The following TJP1 variants were observed in gnomAD, a reference collection of about 807,000 sequenced individuals.
The protein encoded by TJP1 is tight junction protein 1, also known as tight junction protein ZO-1.
TJP1 carries 43 observed loss-of-function variants against 194.2 expected under a neutral mutation model. The ratio of observed to expected loss-of-function variants is 0.22; its 90% CI spans 0.17 to 0.29. The LOEUF is 0.29. TJP1 is among the 10% of genes least tolerant of loss of function. TJP1 has a pLI of 1.00. For missense variants in TJP1, 1,971 were observed against 2,185.7 expected, an observed-to-expected ratio of 0.90 and a Z score of 1.96; for synonymous variants, 801 against 779.0, an observed-to-expected ratio of 1.03 and a Z score of -0.47.
chr15:29,875,696 A>G (rs1276413060), intron 2 of TJP1, among the ~76,000 whole-genome samples: 1 of 152,158 alleles, frequency 6.6e-6, no homozygotes, highest in Non-Finnish European at 1.5e-5. Context: ...CCTCCCAGGT[A>G]GCTGGGATTA....
intron 2 of TJP1, among the ~76,000 whole-genome samples, chr15:29,935,120 C>T (rs952855333): frequency 1.3e-5 from 2 of 152,230 alleles, no homozygotes; most frequent in Non-Finnish European, 1.5e-5. Context: ...CACATGAACT[C>T]TTTTCTCTTT....
At chr15:29,892,523 GGCTTCAAA>G (rs2152168195) in intron 2 of TJP1, among the ~76,000 whole-genome samples, 1 of 152,318 alleles carries the variant, frequency 6.6e-6, no homozygotes, top group African/African-American at 2.4e-5. Context: ...GTCAAGTCCT[GGCTTCAAA>G]GCTTCAAAGG....
Position 29,772,109 on chromosome 15 carries a change from A to G in TJP1, c.267T>C (p.Ala89=). The part of the protein sequence containing the change: ...NGVSMDNVEH[A]FAVQQLRKSG... ...TTTTCCTTAGTTGCTGAACAGCAAA[A>G]GCATGTTCAACATTATCCATTGAAA... The change falls in exon 4 of 28, where the codon GCT becomes GCC. Residue 89 remains alanine, a synonymous_variant. Coordinates refer to ENST00000614355, the MANE Select transcript of TJP1 (RefSeq NM_001330239.4). The G allele has an allele frequency of 1.9e-6, 3 of 1,606,030 alleles. No homozygotes were observed. Among genetic ancestry groups the G allele is most frequent in the Non-Finnish European group, 2.5e-6 (3 of 1,177,590 alleles).
intron 8 of TJP1, among the ~76,000 whole-genome samples, chr15:29,757,461 T>C (rs1003833380): frequency 6.6e-6 from 1 of 152,180 alleles, no homozygotes; most frequent in African/African-American, 2.4e-5. Context: ...TATATGGAAG[T>C]CCTTTAGTGT....
intron 2 of TJP1, among the ~76,000 whole-genome samples, chr15:29,861,105 A>C (rs2052064324): frequency 6.6e-6 from 1 of 152,234 alleles, no homozygotes; most frequent in East Asian, 1.9e-4. Context: ...GCATGTATGC[A>C]TTTTGTGTGG....
At position 29,719,792 on chromosome 15, in the gene TJP1, A is replaced by C; in HGVS notation, c.2988T>G (p.His996Gln). 1 of 1,613,780 alleles carries C rather than the reference A, an allele frequency of 6.2e-7. No homozygotes were observed. The highest frequency in any genetic ancestry group is 1.7e-4 in the Middle Eastern group (1 of 6,054). ...GCACAGGTACCTTTGTTGGATCTACATGCGACGACAATGATGGTTCTTGAT... is the reference window on the plus strand; with the variant it reads ...GCACAGGTACCTTTGTTGGATCTACCTGCGACGACAATGATGGTTCTTGAT... ...LRDQEPSLSS[H>Q]VDPTKVYRKD... is the part of the protein sequence containing the mutation. Residue 996 changes from histidine (H) to glutamine (Q), a missense_variant, in exon 20 of 28, where the codon CAT becomes CAG. By Grantham distance (24) the His-to-Gln change is conservative. Transcript: ENST00000614355.
chr15:29,816,389 C>A (rs1042103370), intron 1 of TJP1, among the ~76,000 whole-genome samples: 7 of 152,106 alleles, frequency 4.6e-5, no homozygotes, highest in Non-Finnish European at 8.8e-5. Flanking sequence ...AAGAACACCA[C>A]AATTTGAAAC....
At chr15:29,926,119 C>T (rs2054515715) in intron 2 of TJP1, among the ~76,000 whole-genome samples, 1 of 152,116 alleles carries the variant, frequency 6.6e-6, no homozygotes, top group African/African-American at 2.4e-5. Flanking sequence ...TAATGAAAAC[C>T]AAAGAAACAA....
At chr15:29,931,238 T>C (rs369292689) in intron 2 of TJP1, among the ~76,000 whole-genome samples, 1 of 152,144 alleles carries the variant, frequency 6.6e-6, no homozygotes, top group African/African-American at 2.4e-5. Context: ...TGACTTCACA[T>C]TGAGTAGGCT....
chr15:29,833,690 G>A (rs372537505), intron 2 of TJP1, among the ~76,000 whole-genome samples: 1 of 150,952 alleles, frequency 6.6e-6, no homozygotes, highest in Non-Finnish European at 1.5e-5. Context: ...CACCACACCC[G>A]GCCTACTTGG....
At chr15:29,831,432 A>T (rs956199034) in intron 2 of TJP1, among the ~76,000 whole-genome samples, 3 of 152,202 alleles carry the variant, frequency 2.0e-5, no homozygotes, top group Non-Finnish European at 4.4e-5. Flanking sequence ...CAAAAAGTGA[A>T]ACCTGAATGA....
Position 29,721,481 on chromosome 15 carries a change from GC to G in TJP1, c.2413-774del, listed in dbSNP as rs2042925267. ...CTCCCCAGAAGCAGAAGCCTGTACAGCCTGCAGAACTGTGAGCCAATGAAAC... is the reference window on the plus strand; with the variant it reads ...CTCCCCAGAAGCAGAAGCCTGTACAGCTGCAGAACTGTGAGCCAATGAAAC... On this transcript the variant is annotated intron_variant, in intron 18 of 27. Coordinates refer to ENST00000614355, the MANE Select transcript of TJP1 (RefSeq NM_001330239.4). Among the ~76,000 whole-genome samples, 3 of 152,120 alleles carry G rather than the reference GC, an allele frequency of 2.0e-5. No individual in the cohort carries two copies. In the East Asian group the frequency reaches 5.8e-4, roughly 29 times the overall value.
In TJP1 at chr15:29,762,416, G is replaced by A. The variant is rs372957626; in HGVS notation, c.612C>T (p.Ser204=). The A allele has an allele frequency of 2.9e-5, 46 of 1,613,090 alleles. No homozygotes were observed. The highest frequency in any genetic ancestry group is 3.7e-5 in the Non-Finnish European group (44 of 1,179,798). The change falls in exon 6 of 28, where the codon AGC becomes AGT. Residue 204 remains serine (S), a synonymous_variant. Transcript: ENST00000614355. ...KNEEYGLRLA[S]HIFVKEISQD... ...GTGAAATTTCCTTAACAAATATATG[G>A]CTTGCCAATCGAAGACCATATTCTG...
chr15:29,820,498 C>T, intron 1 of TJP1: 1 of 716,390 alleles, frequency 1.4e-6, no homozygotes, highest in Non-Finnish European at 2.6e-6. Context: ...AATCTCAATA[C>T]TATAATTCAG....
chr15:29,914,981 G>A (rs969651597), intron 2 of TJP1, among the ~76,000 whole-genome samples: 3 of 152,034 alleles, frequency 2.0e-5, no homozygotes, highest in Non-Finnish European at 4.4e-5. Flanking sequence ...ACATATTACC[G>A]TAACCAACAA....
intron 2 of TJP1, among the ~76,000 whole-genome samples, chr15:29,924,563 C>T (rs2054467385): frequency 3.3e-5 from 5 of 151,908 alleles, no homozygotes; most frequent in Admixed American, 3.3e-4. Context: ...TAATGTGATC[C>T]CTTTTATGTA....
intron 2 of TJP1, among the ~76,000 whole-genome samples, chr15:29,907,535 G>A (rs1253503047): frequency 2.6e-5 from 4 of 152,204 alleles, no homozygotes; most frequent in Admixed American, 6.5e-5. Context: ...GCACAATTTC[G>A]GAGGTTTGTG....
At chr15:29,908,926 G>A (rs533134121) in intron 2 of TJP1, among the ~76,000 whole-genome samples, 8 of 152,154 alleles carry the variant, frequency 5.3e-5, no homozygotes, top group African/African-American at 1.7e-4. Flanking sequence ...AGGCCAAGGC[G>A]GGCGGATCAC....
chr15:29,931,344 C>T (rs903057528), intron 2 of TJP1, among the ~76,000 whole-genome samples: 3 of 151,884 alleles, frequency 2.0e-5, no homozygotes, highest in African/African-American at 2.4e-5. Context: ...ACTGTTCAAA[C>T]CCATATGGTT....
Sources: gnomAD v4.1 joint callset for allele counts (sites outside exome capture counted in the v4.1 genomes callset) on GRCh38, gnomAD v4.1.1 for gene constraint, MANE v1.5 for transcripts, NCBI Gene and HGNC (gene_info 2026-07-23, HGNC 2026-07-21) for gene names.